The following CACNA1C variants were observed in gnomAD, a reference collection of about 807,000 sequenced individuals.
CACNA1C encodes the protein calcium voltage-gated channel subunit alpha1 C.
A neutral mutation model predicts 229.0 loss-of-function variants in CACNA1C; 30 were observed. The ratio of observed to expected loss-of-function variants is 0.13; its 90% CI spans 0.10 to 0.18. The LOEUF (loss-of-function observed/expected upper bound fraction) is 0.18, where lower values mean the gene tolerates loss of function less well. CACNA1C is among the 10% of genes least tolerant of loss of function. CACNA1C has a pLI of 1.00. For missense variants in CACNA1C, 1,658 were observed against 2,845.0 expected, an observed-to-expected ratio of 0.58 and a Z score of 9.49; for synonymous variants, 1,114 against 1,132.5, an observed-to-expected ratio of 0.98 and a Z score of 0.33.
chr12:2,453,206 CCA>C (rs1212167199), intron 4 of CACNA1C, among the ~76,000 whole-genome samples: 19 of 152,102 alleles, frequency 1.2e-4, no homozygotes, highest in Non-Finnish European at 2.4e-4. Context: ...CTGGGGGCCT[CCA>C]TGGAGCGTTT....
chr12:2,186,337 G>A (rs1365330990), intron 3 of CACNA1C, among the ~76,000 whole-genome samples: 1 of 152,158 alleles, frequency 6.6e-6, no homozygotes, highest in African/African-American at 2.4e-5. Context: ...CTAGGCCCAA[G>A]TGACTAGGTC....
intron 9 of CACNA1C, among the ~76,000 whole-genome samples, chr12:2,516,606 A>G (rs1188245938): frequency 6.6e-6 from 1 of 152,158 alleles, no homozygotes; most frequent in East Asian, 1.9e-4. Flanking sequence ...CAGACGCGTC[A>G]GATATGGGAT....
intron 3 of CACNA1C, among the ~76,000 whole-genome samples, chr12:2,412,111 C>T (rs1382755969): frequency 2.0e-5 from 3 of 151,740 alleles, no homozygotes; most frequent in Non-Finnish European, 4.4e-5. Flanking sequence ...TAGCTCGTTA[C>T]CCCTGTGGCT....
chr12:2,483,030 C>T (rs2099682434), intron 5 of CACNA1C, among the ~76,000 whole-genome samples: 1 of 152,226 alleles, frequency 6.6e-6, no homozygotes, highest in Admixed American at 6.5e-5. Context: ...ACCCCGTGCT[C>T]ACGCACGTGA....
intron 3 of CACNA1C, among the ~76,000 whole-genome samples, chr12:2,241,380 A>G (rs2070120228): frequency 6.6e-6 from 1 of 152,074 alleles, no homozygotes; most frequent in South Asian, 2.1e-4. Flanking sequence ...AAGTCATCCC[A>G]ATTCCAGATC....
intron 3 of CACNA1C, among the ~76,000 whole-genome samples, chr12:2,327,053 T>C (rs2096335965): frequency 2.0e-5 from 3 of 151,998 alleles, no homozygotes; most frequent in African/African-American, 7.3e-5. Context: ...TTAGTTGCCA[T>C]CTTGGACCAT....
chr12:2,538,205 C>A (rs140618269), intron 9 of CACNA1C, among the ~76,000 whole-genome samples: 6 of 152,162 alleles, frequency 3.9e-5, no homozygotes, highest in African/African-American at 1.4e-4. Context: ...GATGGCAGAG[C>A]GCACTTCTAT....
chr12:2,097,805 G>A (rs12321582), intron 1 of CACNA1C, among the ~76,000 whole-genome samples: 83,547 of 152,082 alleles, frequency 0.55, 24,191 homozygotes, highest in Non-Finnish European at 0.64. Context: ...TGGGCAGAGC[G>A]GGGTGGCTGC....
intron 9 of CACNA1C, among the ~76,000 whole-genome samples, chr12:2,542,585 A>C (rs139242523): frequency 1.3e-5 from 2 of 152,258 alleles, no homozygotes; most frequent in African/African-American, 4.8e-5. Context: ...TGCTAACCCA[A>C]ACACCAAGGA....
At chr12:2,237,527 G>A (rs1043893294) in intron 3 of CACNA1C, among the ~76,000 whole-genome samples, 9 of 152,334 alleles carry the variant, frequency 5.9e-5, no homozygotes, top group African/African-American at 1.9e-4. Flanking sequence ...TGTCTTGACA[G>A]GCAGCTTTCA....
chr12:2,681,339 C>G (rs1200003463), intron 42 of CACNA1C, among the ~76,000 whole-genome samples: 2 of 152,218 alleles, frequency 1.3e-5, no homozygotes, highest in Admixed American at 6.5e-5. Context: ...ACAGTCGGTG[C>G]TCATGAAATG....
At chr12:2,405,028 CT>C (rs2098720538) in intron 3 of CACNA1C, among the ~76,000 whole-genome samples, 1 of 152,340 alleles carries the variant, frequency 6.6e-6, no homozygotes, top group Admixed American at 6.5e-5. Flanking sequence ...GTTTCCCCAC[CT>C]GACAGGCATG....
intron 3 of CACNA1C, among the ~76,000 whole-genome samples, chr12:2,212,282 T>G (rs2097945549): frequency 6.6e-6 from 1 of 152,216 alleles, no homozygotes; most frequent in Admixed American, 6.5e-5. Context: ...TAGAGAGAAC[T>G]CAAAGGTAAG....
chr12:2,466,570 CA>C (rs1325847400), intron 5 of CACNA1C, among the ~76,000 whole-genome samples: 1 of 152,212 alleles, frequency 6.6e-6, no homozygotes, highest in East Asian at 1.9e-4. Context: ...TTGCTTTTTC[CA>C]CTGCCTGTGT....
At chr12:2,564,253 A>G (rs550504588) in intron 11 of CACNA1C, among the ~76,000 whole-genome samples, 2 of 152,118 alleles carry the variant, frequency 1.3e-5, no homozygotes, top group East Asian at 3.9e-4. Context: ...TTTCCACTCT[A>G]TTCCTTTATT....
At chr12:2,659,935 A>C (rs1268370393) in intron 34 of CACNA1C, 1 of 188,166 alleles carries the variant, frequency 5.3e-6, no homozygotes, top group Non-Finnish European at 1.1e-5. Context: ...ATCTACTTCA[A>C]GATGAAGCAG....
intron 5 of CACNA1C, among the ~76,000 whole-genome samples, chr12:2,470,869 G>A (rs796821594): frequency 1.8e-4 from 28 of 151,540 alleles, no homozygotes; most frequent in African/African-American, 5.8e-4. Flanking sequence ...ACCGAGTCTC[G>A]ATCTGTCTCC....
intron 3 of CACNA1C, among the ~76,000 whole-genome samples, chr12:2,241,077 A>AG (rs1203440799): frequency 6.6e-6 from 1 of 152,012 alleles, no homozygotes; most frequent in Non-Finnish European, 1.5e-5. Flanking sequence ...GTACGAGGTG[A>AG]GGGGGGTGGG....
intron 1 of CACNA1C, among the ~76,000 whole-genome samples, chr12:2,041,806 A>G (rs1398470777): frequency 2.0e-5 from 3 of 152,240 alleles, no homozygotes; most frequent in African/African-American, 7.2e-5. Flanking sequence ...TGTGAAGAGC[A>G]GCAGCCTGAA....
Sources: gnomAD v4.1 joint callset for allele counts (sites outside exome capture counted in the v4.1 genomes callset) on GRCh38, gnomAD v4.1.1 for gene constraint, MANE v1.5 for transcripts, NCBI Gene and HGNC (gene_info 2026-07-23, HGNC 2026-07-21) for gene names.